The following HTT variants were observed in gnomAD, a reference collection of about 807,000 sequenced individuals.
HTT encodes huntington disease protein.
A neutral mutation model predicts 362.3 loss-of-function variants in HTT; 104 were observed. The ratio of observed to expected loss-of-function variants is 0.29; its 90% CI spans 0.24 to 0.34. The LOEUF is 0.34. Among genes scored for constraint, HTT ranks in the 10% least tolerant of loss-of-function variants. HTT has a pLI of 1.00. For missense variants in HTT, 3,301 were observed against 3,928.6 expected (o/e 0.84, Z 4.27); for synonymous variants, 1,577 against 1,548.7 (o/e 1.02, Z -0.43).
At chr4:3,214,881 AGAAATCTGAAT>A (rs886738997) in intron 50 of HTT, among the ~76,000 whole-genome samples, 2 of 152,242 alleles carry the variant, frequency 1.3e-5, no homozygotes, top group Non-Finnish European at 2.9e-5. Context: ...CGAGGGACTT[AGAAATCTGAAT>A]GAAATCTGAA....
At chr4:3,169,469 TG>T (rs1717869921) in intron 29 of HTT, among the ~76,000 whole-genome samples, 1 of 152,232 alleles carries the variant, frequency 6.6e-6, no homozygotes, top group Non-Finnish European at 1.5e-5. Flanking sequence ...ATGTGTTTTC[TG>T]TTTTGTATAG....
At chr4:3,138,169 CTTCCCCTTCCCGCCTGCCT>C (rs1560564795) in intron 21 of HTT, among the ~76,000 whole-genome samples, 2 of 148,604 alleles carry the variant, frequency 1.3e-5, no homozygotes, top group African/African-American at 5.1e-5. Context: ...CCCCTTTTCC[CTTCCCCTTCCCGCCTGCCT>C]GCCTGCCTGC....
At chr4:3,077,069 C>G (rs1712592580) in intron 1 of HTT, among the ~76,000 whole-genome samples, 1 of 151,890 alleles carries the variant, frequency 6.6e-6, no homozygotes, top group Non-Finnish European at 1.5e-5. Context: ...TCCAAGCTAC[C>G]TGGGAGGCTG....
intron 51 of HTT, among the ~76,000 whole-genome samples, chr4:3,217,198 A>G (rs1332329078): frequency 6.6e-6 from 1 of 152,304 alleles, no homozygotes; most frequent in East Asian, 1.9e-4. Flanking sequence ...ATATTTTAGT[A>G]GGTATGATAT....
rs369997039 is a variant in HTT, at chr4:3,235,582, G to C, written c.8589G>C (p.Leu2863=). The C allele has an allele frequency of 1.9e-6, 3 of 1,613,806 alleles. No individual in the cohort carries two copies. The African/African-American group carries it at 4.0e-5, about 22-fold the overall frequency. The part of the protein sequence containing the change: ...ASIIQMCGVM[L]SGSEESTPSI... ...CTGTGCAGATGTGTGGGGTGATGCTGTCTGGAAGTGAGGAGTCCACCCCCT... is the reference window on the plus strand; with the variant it reads ...CTGTGCAGATGTGTGGGGTGATGCTCTCTGGAAGTGAGGAGTCCACCCCCT... Residue 2863 remains leucine (L), a synonymous_variant, in exon 63 of 67, where the codon CTG becomes CTC. Coordinates refer to ENST00000355072, the MANE Select transcript of HTT (RefSeq NM_001388492.1).
Position 3,174,811 on chromosome 4 carries a change from C to A in HTT, c.4245+12C>A. ...ACCGTGCAGATAAGGTAAATGGTGC[C>A]GTTTGTGGCATGTGAACTCAGGCGT... On this transcript the variant is annotated intron_variant, in intron 32 of 66. Transcript: ENST00000355072. 1 of 1,612,688 alleles carries A rather than the reference C, an allele frequency of 6.2e-7. No homozygotes were observed. Among genetic ancestry groups the A allele is most frequent in the Non-Finnish European group, 8.5e-7 (1 of 1,178,848 alleles).
At chr4:3,159,849 T>C (rs1177790294) in intron 28 of HTT, among the ~76,000 whole-genome samples, 1 of 152,244 alleles carries the variant, frequency 6.6e-6, no homozygotes, top group African/African-American at 2.4e-5. Flanking sequence ...TGATTTAATA[T>C]TTTATTGTAT....
chr4:3,213,352 G>A (rs1484043400), intron 49 of HTT, among the ~76,000 whole-genome samples: 4 of 152,226 alleles, frequency 2.6e-5, no homozygotes, highest in African/African-American at 7.2e-5. Flanking sequence ...GAAAGTCAGC[G>A]TGTGATCACA....
rs1461611047 is a variant in HTT at position 3,132,714 on chromosome 4, C to A, written c.2389C>A (p.Leu797Ile). Residue 797 changes from leucine to isoleucine, a missense_variant, in exon 17 of 67, where the codon CTC (leucine) becomes ATC (isoleucine). This residue lies in a region of HTT where 2,316 missense variants were observed against 2,658.5 expected (regional missense o/e 0.87). Coordinates refer to ENST00000355072, the MANE Select transcript of HTT (RefSeq NM_001388492.1). Reference sequence around the variant, plus strand: ...AGATTGGATGGGCACCATTAGAACCCTCACAGGTAACGGCCAGTTTTTCAG... The same window carrying A: ...AGATTGGATGGGCACCATTAGAACCATCACAGGTAACGGCCAGTTTTTCAG... ...VGDWMGTIRT[L>I]TGNTFSLADC... The A allele has an allele frequency of 1.1e-5, 18 of 1,614,186 alleles. No individual in the cohort carries two copies. Among genetic ancestry groups the A allele is most frequent in the Non-Finnish European group, 1.4e-5 (17 of 1,180,004 alleles).
At chr4:3,168,741 A>G (rs1450323586) in intron 29 of HTT, among the ~76,000 whole-genome samples, 3 of 152,150 alleles carry the variant, frequency 2.0e-5, no homozygotes, top group African/African-American at 7.2e-5. Flanking sequence ...AGTTGGCCGC[A>G]GTGGCATGCG....
In HTT at chr4:3,206,860, G is replaced by T. The variant is rs199609576; in HGVS notation, c.5952G>T (p.Gln1984His). Reference sequence around the variant, plus strand: ...GCTTGGAGGGGATCCATCTCAGCCAGTCGGGAGCTGTGCTCACGCTGTATG... The same window carrying T: ...GCTTGGAGGGGATCCATCTCAGCCATTCGGGAGCTGTGCTCACGCTGTATG... ...LQCLEGIHLS[Q>H]SGAVLTLYVD... Residue 1984 changes from glutamine to histidine, a missense_variant, in exon 44 of 67, where the codon CAG becomes CAT. Physicochemically the swap from Gln to His is conservative, Grantham distance 24. Around this residue, in one of 4 missense-constraint regions of HTT, gnomAD observed 2,316 missense variants for 2,658.5 expected, o/e 0.87. Coordinates refer to ENST00000355072, the MANE Select transcript of HTT (RefSeq NM_001388492.1). The surrounding 1 kb of genome is among the most constrained non-coding windows in gnomAD (Gnocchi z 4.6). 1.2e-6 allele frequency: 2 copies of T among 1,613,572 alleles called. No individual in the cohort carries two copies. The highest frequency in any genetic ancestry group is 1.7e-6 in the Non-Finnish European group (2 of 1,179,520).
rs778259334 is a variant in HTT at position 3,148,114 on chromosome 4, G to A, written c.3405G>A (p.Val1135=). 3.1e-6 allele frequency: 5 copies of A among 1,614,088 alleles called. No homozygotes were observed. Among genetic ancestry groups the A allele is most frequent in the Non-Finnish European group, 3.4e-6 (4 of 1,179,972 alleles). ...CAGCCCTGGGGGACCGGGCCCTGGT[G>A]CCCATGGTGGAGCAGCTCTTCTCTC... The part of the protein sequence containing the change: ...VWPALGDRAL[V]PMVEQLFSHL... Residue 1135 remains valine, a synonymous_variant, in exon 26 of 67, where the codon GTG becomes GTA. Coordinates refer to ENST00000355072, the MANE Select transcript of HTT (RefSeq NM_001388492.1).
intron 59 of HTT, 64 bp downstream of exon 59, chr4:3,229,073 C>A: frequency 6.7e-7 from 1 of 1,493,944 alleles, no homozygotes; most frequent in Non-Finnish European, 9.2e-7. Context: ...ACGCCACACA[C>A]CCCACACACA....
intron 10 of HTT, among the ~76,000 whole-genome samples, chr4:3,125,247 A>G (rs910250959): frequency 2.0e-5 from 3 of 152,174 alleles, no homozygotes; most frequent in Non-Finnish European, 4.4e-5. Flanking sequence ...GTAGTAATAT[A>G]GATTATTTAA....
At chr4:3,115,670 C>T (rs1203500941) in intron 7 of HTT, among the ~76,000 whole-genome samples, 3 of 152,146 alleles carry the variant, frequency 2.0e-5, no homozygotes, top group Non-Finnish European at 4.4e-5. Flanking sequence ...TGGTGTGAGC[C>T]CTGTCTGCCA....
Position 3,233,362 on chromosome 4 carries a change from G to A in HTT, c.8456+9G>A. The A allele has an allele frequency of 1.9e-6, 3 of 1,587,870 alleles. No homozygotes were observed. Among genetic ancestry groups the A allele is most frequent in the Middle Eastern group, 1.7e-4 (1 of 5,994 alleles). ...CTGAAAGGGATCGCCCAGTGAGTGG[G>A]AGCCTGGCTGGGGCTGGGGCGGGGG... On this transcript the variant is annotated intron_variant, in intron 61 of 66. Coordinates refer to ENST00000355072, the MANE Select transcript of HTT (RefSeq NM_001388492.1).
chr4:3,188,945 TGGAA>T lies in HTT; in HGVS notation c.5226-3_5226del. Reference sequence around the variant, plus strand: ...ATTCACTGTCATCTTTTTTGTTTCTTGGAAGGTTTCTATTACAACTGGTTGGTAT... The same window carrying T: ...ATTCACTGTCATCTTTTTTGTTTCTTGGTTTCTATTACAACTGGTTGGTAT... On this transcript the variant is annotated splice_acceptor_variant and splice_polypyrimidine_tract_variant and intron_variant, in intron 39 of 66. Coordinates refer to ENST00000355072, the MANE Select transcript of HTT (RefSeq NM_001388492.1). LOFTEE classifies it high-confidence loss of function. The T allele has an allele frequency of 6.2e-7, 1 of 1,613,712 alleles. No homozygotes were observed.
intron 47 of HTT, among the ~76,000 whole-genome samples, 176 bp downstream of exon 47, chr4:3,210,125 A>C (rs1205153969): frequency 6.6e-6 from 1 of 151,798 alleles, no homozygotes; most frequent in African/African-American, 2.4e-5. Context: ...AGTGGGGAGG[A>C]CTCCATTTCA....
At chr4:3,146,145 C>T (rs1716587795) in intron 24 of HTT, among the ~76,000 whole-genome samples, 1 of 152,168 alleles carries the variant, frequency 6.6e-6, no homozygotes, top group Admixed American at 6.5e-5. Context: ...GAGTTCTATT[C>T]TCCATATCCA....
Sources: allele counts gnomAD v4.1 joint callset (sites outside exome capture counted in the v4.1 genomes callset), GRCh38; gene constraint gnomAD v4.1.1; regional missense constraint gnomAD v4.1.1; non-coding constraint Gnocchi (gnomAD v3.1); transcripts MANE v1.5; gene names NCBI Gene and HGNC (gene_info 2026-07-23, HGNC 2026-07-21).